Variants in FLYWCH2 observed in about 807,000 individuals in gnomAD.
FLYWCH2 encodes the protein FLYWCH family member 2.
Under a neutral mutation model 6.0 loss-of-function variants are expected in FLYWCH2, and 2 were observed. That is an observed-to-expected ratio of 0.33 (90% CI 0.14 to 1.04). The LOEUF (loss-of-function observed/expected upper bound fraction) is 1.04, where lower values mean the gene tolerates loss of function less well. Among genes scored for constraint, FLYWCH2 ranks in the 50% least tolerant of loss-of-function variants. The pLI, the probability that FLYWCH2 is intolerant of heterozygous loss-of-function variation, is 0.45. For synonymous variants in FLYWCH2, 87 were observed against 79.3 expected (o/e 1.10, Z -0.52); for missense variants, 192 against 183.4 (o/e 1.05, Z -0.27).
intron 3 of FLYWCH2, 55 bp downstream of exon 3, chr16:2,896,826 C>T (rs1167841380): frequency 6.7e-7 from 1 of 1,498,388 alleles, no homozygotes; most frequent in South Asian, 1.2e-5. Context: ...GGGTGGCCCC[C>T]ACAGCCGCGC....
rs144305533 is a variant in FLYWCH2, at chr16:2,886,181, G to A, written c.-200+2815G>A. On this transcript the variant is annotated intron_variant, in intron 1 of 3. Coordinates refer to ENST00000396958, the MANE Select transcript of FLYWCH2 (RefSeq NM_138439.3). ...GCCTTTGCCCATTATTATTATTATT[G>A]TTATTATTTTTTTTTTTTAGACGGA... Among the ~76,000 whole-genome samples the A allele has an allele frequency of 1.4e-3, 214 of 151,606 alleles. 1 individual carries two copies. The highest frequency in any genetic ancestry group is 5.1e-3 in the African/African-American group (209 of 41,340).
intron 1 of FLYWCH2, among the ~76,000 whole-genome samples, chr16:2,885,777 A>T (rs943954430): frequency 1.3e-5 from 2 of 152,234 alleles, no homozygotes; most frequent in African/African-American, 4.8e-5. Context: ...TTCATGAATA[A>T]TGCAACTGTA....
intron 1 of FLYWCH2, among the ~76,000 whole-genome samples, chr16:2,884,176 A>T (rs913723590): frequency 3.9e-5 from 6 of 152,154 alleles, no homozygotes. Context: ...GTCATCTATT[A>T]ACAGCCCCTG....
At chr16:2,888,925 A>T (rs1453061626) in intron 1 of FLYWCH2, among the ~76,000 whole-genome samples, 1 of 152,108 alleles carries the variant, frequency 6.6e-6, no homozygotes, top group Non-Finnish European at 1.5e-5. Context: ...TTATTGCACT[A>T]CTTAGGAGGT....
At chr16:2,887,313 CTTT>C (rs71158114) in intron 1 of FLYWCH2, among the ~76,000 whole-genome samples, 1 of 72,520 alleles carries the variant, frequency 1.4e-5, no homozygotes, top group East Asian at 3.2e-4. Flanking sequence ...GCCCGGCTTT[CTTT>C]TTTTTTTTTT....
At chr16:2,887,998 TTTTGTTTG>T (rs3066091) in intron 1 of FLYWCH2, among the ~76,000 whole-genome samples, 1 of 151,126 alleles carries the variant, frequency 6.6e-6, no homozygotes, top group Non-Finnish European at 1.5e-5. Context: ...TGTGTCTGTG[TTTTGTTTG>T]TTTGTTTGTT....
At chr16:2,898,793 G>A in intron 3 of FLYWCH2, 1 of 377,450 alleles carries the variant, frequency 2.6e-6, no homozygotes, top group Non-Finnish European at 4.7e-6. Flanking sequence ...AGAGGCGATG[G>A]CTGCGGCTTC....
At chr16:2,888,077 CG>C (rs1288438194) in intron 1 of FLYWCH2, among the ~76,000 whole-genome samples, 14 of 151,944 alleles carry the variant, frequency 9.2e-5, no homozygotes, top group Non-Finnish European at 1.9e-4. Flanking sequence ...GGCGTGATCT[CG>C]GCTCACTGCA....
chr16:2,890,859 G>A lies in FLYWCH2; in HGVS notation c.-199-4361G>A, dbSNP rs562100316. 5.3e-5 allele frequency among the ~76,000 whole-genome samples: 8 copies of A among 152,160 alleles called. No homozygotes were observed. The East Asian group carries it at 9.7e-4, about 18-fold the overall frequency. On this transcript the variant is annotated intron_variant, in intron 1 of 3. Coordinates refer to ENST00000396958, the MANE Select transcript of FLYWCH2 (RefSeq NM_138439.3). ...TGGAATTACAAACGTCAGCCACCTC[G>A]CCCAGCCCAGATTGTCATCTTTGGA...
At chr16:2,892,076 C>T (rs771769953) in intron 1 of FLYWCH2, among the ~76,000 whole-genome samples, 57 of 151,900 alleles carry the variant, frequency 3.8e-4, no homozygotes, top group Non-Finnish European at 6.2e-4. Flanking sequence ...CTTGTAATCC[C>T]AGCTACTCGG....
At chr16:2,896,964 G>C (rs1006961988) in intron 3 of FLYWCH2, 193 bp downstream of exon 3, 16 of 618,870 alleles carry the variant, frequency 2.6e-5, no homozygotes, top group Admixed American at 1.5e-4. Flanking sequence ...CCCTGCCTCT[G>C]AGCGGCCTTG....
intron 1 of FLYWCH2, among the ~76,000 whole-genome samples, chr16:2,887,860 C>T (rs886387850): frequency 6.6e-6 from 1 of 152,052 alleles, no homozygotes; most frequent in African/African-American, 2.4e-5. Flanking sequence ...AGCCACCACG[C>T]CTGGCCCAAC....
chr16:2,887,816 A>G lies in FLYWCH2; in HGVS notation c.-200+4450A>G, dbSNP rs148069545. 1.4e-3 allele frequency among the ~76,000 whole-genome samples: 216 copies of G among 151,416 alleles called. 2 individuals carry two copies. Among genetic ancestry groups the G allele is most frequent in the African/African-American group, 5.2e-3 (214 of 41,146 alleles). On this transcript the variant is annotated intron_variant, in intron 1 of 3. Transcript: ENST00000396958. ...TCCTGGGTTCAAGCGATCCTCCTAC[A>G]TCACCCTCCCAAAGTACTGGAATTA...
chr16:2,890,535 C>T (rs1443435267), intron 1 of FLYWCH2, among the ~76,000 whole-genome samples: 2 of 151,998 alleles, frequency 1.3e-5, no homozygotes, highest in African/African-American at 4.8e-5. Flanking sequence ...CTGCCTCAGC[C>T]TCCCGAGTAG....
chr16:2,893,865 C>T (rs890394204), intron 1 of FLYWCH2, among the ~76,000 whole-genome samples: 3 of 151,900 alleles, frequency 2.0e-5, no homozygotes, highest in Non-Finnish European at 2.9e-5. Flanking sequence ...GTCTCGATCT[C>T]CTGACCTTGT....
intron 1 of FLYWCH2, among the ~76,000 whole-genome samples, chr16:2,888,577 C>A (rs2069724063): frequency 6.6e-6 from 1 of 151,066 alleles, no homozygotes; most frequent in Non-Finnish European, 1.5e-5. Flanking sequence ...TCTTCCAATC[C>A]ATGAACATGG....
chr16:2,894,714 C>T (rs2069798279), intron 1 of FLYWCH2, among the ~76,000 whole-genome samples: 2 of 152,216 alleles, frequency 1.3e-5, no homozygotes, highest in Admixed American at 1.3e-4. Context: ...AGAAGGTGCC[C>T]CTGGGGTGGG....
intron 1 of FLYWCH2, among the ~76,000 whole-genome samples, chr16:2,887,313 C>CTT (rs71158114): frequency 0.013 from 974 of 72,416 alleles, 13 homozygotes; most frequent in African/African-American, 0.03. Flanking sequence ...GCCCGGCTTT[C>CTT]TTTTTTTTTT....
chr16:2,888,614 C>G (rs191431054), intron 1 of FLYWCH2, among the ~76,000 whole-genome samples: 162 of 151,836 alleles, frequency 1.1e-3, no homozygotes, highest in Admixed American at 9.3e-3. Flanking sequence ...TTTAGGGCTT[C>G]TTTAATTTCT....
Sources: gnomAD v4.1 joint callset for allele counts (sites outside exome capture counted in the v4.1 genomes callset) on GRCh38, gnomAD v4.1.1 for gene constraint, MANE v1.5 for transcripts, NCBI Gene and HGNC (gene_info 2026-07-23, HGNC 2026-07-21) for gene names.